Variants in FNDC3A observed in about 807,000 individuals in gnomAD.
The protein encoded by FNDC3A is fibronectin type III domain containing 3A, also known as fibronectin type-III domain-containing protein 3A.
Under a neutral mutation model 148.9 loss-of-function variants are expected in FNDC3A, and 32 were observed. The observed-to-expected ratio is 0.21, with a 90% confidence interval of 0.16 to 0.29. The LOEUF is 0.29. Among genes scored for constraint, FNDC3A ranks in the 10% least tolerant of loss-of-function variants. The pLI, the probability that FNDC3A is intolerant of heterozygous loss-of-function variation, is 1.00. For missense variants in FNDC3A, 1,191 were observed against 1,452.8 expected (o/e 0.82, Z 2.93); for synonymous variants, 472 against 473.6 (o/e 1.00, Z 0.04).
chr13:49,144,013 GCTACTACTA>G (rs1236746605), intron 7 of FNDC3A, among the ~76,000 whole-genome samples: 3 of 142,124 alleles, frequency 2.1e-5, no homozygotes, highest in African/African-American at 8.1e-5. Context: ...TACTACTACT[GCTACTACTA>G]CTACTACTAC....
intron 2 of FNDC3A, among the ~76,000 whole-genome samples, chr13:49,070,781 G>A (rs1021283701): frequency 1.3e-5 from 2 of 151,120 alleles, no homozygotes; most frequent in African/African-American, 4.9e-5. Context: ...GCTCCCACAT[G>A]TGAGTGAGAA....
intron 4 of FNDC3A, among the ~76,000 whole-genome samples, chr13:49,121,547 A>G (rs185011469): frequency 2.6e-4 from 39 of 152,266 alleles, no homozygotes; most frequent in African/African-American, 4.8e-4. Flanking sequence ...AAAAAAATCA[A>G]TCAGTTCAGG....
intron 2 of FNDC3A, among the ~76,000 whole-genome samples, chr13:49,071,529 C>A (rs1877691355): frequency 6.6e-6 from 1 of 152,084 alleles, no homozygotes. Flanking sequence ...CTGCATCCTC[C>A]CCACATCTGT....
chr13:49,091,563 C>A (rs1286714932), intron 3 of FNDC3A, among the ~76,000 whole-genome samples: 2 of 152,218 alleles, frequency 1.3e-5, no homozygotes, highest in South Asian at 2.1e-4. Context: ...GAAGATTTCC[C>A]TTCACTGTTG....
chr13:49,202,755 T>C (rs936354525), intron 24 of FNDC3A, among the ~76,000 whole-genome samples: 5 of 152,164 alleles, frequency 3.3e-5, no homozygotes, highest in African/African-American at 1.2e-4. Context: ...ATAAGCCCAG[T>C]GCTTTGGGAG....
chr13:49,032,138 CAA>C (rs1793486891), intron 2 of FNDC3A, among the ~76,000 whole-genome samples: 1 of 152,052 alleles, frequency 6.6e-6, no homozygotes, highest in African/African-American at 2.4e-5. Flanking sequence ...AAGATAAAAA[CAA>C]GTGTTAGCAA....
At chr13:49,067,611 A>G (rs890395980) in intron 2 of FNDC3A, among the ~76,000 whole-genome samples, 2 of 152,124 alleles carry the variant, frequency 1.3e-5, no homozygotes, top group African/African-American at 4.8e-5. Context: ...CCAAGGTCCG[A>G]TTTTTCACAA....
intron 2 of FNDC3A, among the ~76,000 whole-genome samples, chr13:49,061,198 C>T (rs896929622): frequency 2.6e-5 from 4 of 151,800 alleles, no homozygotes; most frequent in Non-Finnish European, 5.9e-5. Context: ...CAGCCTCAAA[C>T]TCCCGGACTC....
chr13:49,019,607 T>G (rs146860414), intron 2 of FNDC3A, among the ~76,000 whole-genome samples: 2,848 of 152,364 alleles, frequency 0.019, 93 homozygotes, highest in African/African-American at 0.063. Flanking sequence ...CTGTTCCTAT[T>G]CGGCCATCTT....
At position 49,136,377 on chromosome 13, in the gene FNDC3A, C is replaced by T; in HGVS notation, c.536C>T (p.Ser179Phe). The T allele has an allele frequency of 6.2e-7, 1 of 1,614,032 alleles. No homozygotes were observed. Among genetic ancestry groups the T allele is most frequent in the Admixed American group, 1.7e-5 (1 of 60,018 alleles). The stretch of plus-strand genomic sequence containing the variant: ...AGGTCCAACTTTAGAGATGAACGAT[C>T]TAGTAAAACATATGAACGTTTGCAG... Reference protein sequence around the residue: ...HGRSNFRDERSSKTYERLQKK... With the variant: ...HGRSNFRDERFSKTYERLQKK... Residue 179 changes from serine (S) to phenylalanine (F), a missense_variant, in exon 6 of 26, where the codon TCT becomes TTT. Physicochemically the swap from Ser to Phe is radical, Grantham distance 155 (BLOSUM62 -2). This residue lies in a region of FNDC3A where 426 missense variants were observed against 473.2 expected (regional missense o/e 0.90). Transcript: ENST00000492622.
intron 3 of FNDC3A, among the ~76,000 whole-genome samples, chr13:49,085,654 T>C (rs1332742505): frequency 6.6e-6 from 1 of 152,192 alleles, no homozygotes; most frequent in Non-Finnish European, 1.5e-5. Context: ...ACGTATACCA[T>C]TTCTTCCTAT....
intron 8 of FNDC3A, among the ~76,000 whole-genome samples, chr13:49,165,046 A>G (rs148701533): frequency 1.2e-3 from 186 of 152,236 alleles, no homozygotes; most frequent in African/African-American, 4.2e-3. Flanking sequence ...TTTCTTTGGT[A>G]AATTTCTTAT....
At chr13:49,045,303 G>A (rs776490339) in intron 2 of FNDC3A, among the ~76,000 whole-genome samples, 2 of 152,010 alleles carry the variant, frequency 1.3e-5, no homozygotes, top group Non-Finnish European at 2.9e-5. Context: ...ACAAGTGCGT[G>A]CCACCACGGC....
chr13:49,084,517 G>T (rs1285057827), intron 3 of FNDC3A, among the ~76,000 whole-genome samples: 1 of 152,184 alleles, frequency 6.6e-6, no homozygotes, highest in Non-Finnish European at 1.5e-5. Context: ...GTGAGCCACA[G>T]ATATCACCTG....
chr13:49,086,141 T>C (rs6561494), intron 3 of FNDC3A, among the ~76,000 whole-genome samples: 151,668 of 152,330 alleles, frequency 1, 75,510 homozygotes, highest in Middle Eastern at 1. Flanking sequence ...CTCAGCCTCC[T>C]AAAGTTCTGG....
chr13:49,188,060 T>C (rs935178695), intron 16 of FNDC3A, among the ~76,000 whole-genome samples: 2 of 152,220 alleles, frequency 1.3e-5, no homozygotes, highest in African/African-American at 2.4e-5. Context: ...TAGTAAGTTT[T>C]ATGACTAGTG....
chr13:49,165,765 G>C (rs1179233363), intron 8 of FNDC3A, among the ~76,000 whole-genome samples: 3 of 152,170 alleles, frequency 2.0e-5, no homozygotes, highest in Non-Finnish European at 4.4e-5. Context: ...AGCAATGGCA[G>C]GACTAACCTC....
chr13:49,170,944 G>A (rs1884724249), intron 10 of FNDC3A, among the ~76,000 whole-genome samples: 1 of 152,264 alleles, frequency 6.6e-6, no homozygotes, highest in South Asian at 2.1e-4. Flanking sequence ...CTTGGAAAAT[G>A]TCTTTTTATA....
At chr13:48,986,397 T>TTTG (rs1951799634) in intron 1 of FNDC3A, among the ~76,000 whole-genome samples, 1 of 116,826 alleles carries the variant, frequency 8.6e-6, no homozygotes, top group Admixed American at 9.0e-5. Context: ...TTTTTTTTTT[T>TTTG]TTTTTTTTTT....
Sources: allele counts gnomAD v4.1 joint callset (sites outside exome capture counted in the v4.1 genomes callset), GRCh38; gene constraint gnomAD v4.1.1; regional missense constraint gnomAD v4.1.1; transcripts MANE v1.5; gene names NCBI Gene and HGNC (gene_info 2026-07-23, HGNC 2026-07-21).